WEE2: variants seen among roughly 807,000 people sequenced by gnomAD.
The protein encoded by WEE2 is WEE2 oocyte meiosis inhibiting kinase, also known as wee1-like protein kinase 2.
Under a neutral mutation model 60.1 loss-of-function variants are expected in WEE2, and 50 were observed. The observed-to-expected ratio is 0.83, with a 90% CI of 0.66 to 1.05. WEE2 has a LOEUF of 1.05. Ranked by LOEUF, WEE2 falls within the 50% of genes least tolerant of loss-of-function variation. The pLI, the probability that WEE2 is intolerant of heterozygous loss-of-function variation, is 0.00. For missense variants in WEE2, 631 were observed against 684.3 expected (o/e 0.92, Z 0.87); for synonymous variants, 240 against 241.0 (o/e 1.00, Z 0.04).
chr7:141,710,184 C>T (rs1485258624), intron 1 of WEE2, among the ~76,000 whole-genome samples: 1 of 152,192 alleles, frequency 6.6e-6, no homozygotes, highest in Admixed American at 6.5e-5. Flanking sequence ...GCATATAATA[C>T]AGTCTCTGCC....
chr7:141,725,055 A>T lies in WEE2; in HGVS notation c.1251A>T (p.Ile417=), dbSNP rs370189995. 6.1e-5 allele frequency: 99 copies of T among 1,613,914 alleles called. No homozygotes were observed. Among genetic ancestry groups the T allele is most frequent in the Non-Finnish European group, 7.6e-5 (90 of 1,179,976 alleles). ...ACCGGCACCTTCCCAAAGCAGACAT[A>T]TTTGCCTTGGGATTAACAATTGCAG... ...EDYRHLPKAD[I]FALGLTIAVA... Residue 417 remains isoleucine (I), a synonymous_variant, in exon 9 of 12, where the codon ATA becomes ATT. Transcript: ENST00000397541.
chr7:141,724,083 A>G, intron 7 of WEE2, 35 bp downstream of exon 7: 1 of 1,576,912 alleles, frequency 6.3e-7, no homozygotes. Context: ...AGTTACCATT[A>G]TCCTATAAAA....
At chr7:141,725,853 G>A (rs980781803) in intron 9 of WEE2, among the ~76,000 whole-genome samples, 1 of 152,200 alleles carries the variant, frequency 6.6e-6, no homozygotes, top group Non-Finnish European at 1.5e-5. Flanking sequence ...TAGTCACAAT[G>A]AATGACTGGC....
chr7:141,727,447 G>C lies in WEE2; in HGVS notation c.1535+1G>C. The C allele has an allele frequency of 6.2e-7, 1 of 1,613,948 alleles. No individual in the cohort carries two copies. The highest frequency in any genetic ancestry group is 8.5e-7 in the Non-Finnish European group (1 of 1,179,914). On this transcript the variant is annotated splice_donor_variant, in intron 10 of 11. Transcript: ENST00000397541. LOFTEE classifies it high-confidence loss of function. The stretch of plus-strand genomic sequence containing the variant: ...AGTTCAAGACTGCCACACTGGAAAG[G>C]TATATTTTTGGATGATGGGGGGTCA...
At chr7:141,714,594 C>G (rs2117105965) in intron 2 of WEE2, among the ~76,000 whole-genome samples, 189 bp downstream of exon 2, 1 of 152,308 alleles carries the variant, frequency 6.6e-6, no homozygotes, top group East Asian at 1.9e-4. Flanking sequence ...CAACATCTTT[C>G]CATTCTGATA....
At chr7:141,724,145 C>T in intron 7 of WEE2, 45 bp from the exon 8 acceptor site, 2 of 1,584,528 alleles carry the variant, frequency 1.3e-6, no homozygotes, top group Non-Finnish European at 1.7e-6. Context: ...GCTTTTAAAG[C>T]TCTTTTGTTC....
chr7:141,716,147 T>G, intron 2 of WEE2, 75 bp from the exon 3 acceptor site: 1 of 1,275,384 alleles, frequency 7.8e-7, no homozygotes, highest in Admixed American at 1.9e-5. Context: ...TACTCTTACA[T>G]CCCTAGAACC....
In WEE2 at chr7:141,709,073, G is replaced by GC; in HGVS notation, c.318dup (p.Ser107GlnfsTer2). On this transcript the variant is annotated frameshift_variant, in exon 1 of 12. Coordinates refer to ENST00000397541, the MANE Select transcript of WEE2 (RefSeq NM_001105558.1). LOFTEE classifies it high-confidence loss of function. ...AACCAGACAGCAGGAGCAAGCTGCT[G>GC]CCCAGTGACAGCCCCTCTACTCCCA... The GC allele has an allele frequency of 6.2e-7, 1 of 1,613,918 alleles. No homozygotes were observed. The highest frequency in any genetic ancestry group is 8.5e-7 in the Non-Finnish European group (1 of 1,179,822).
chr7:141,709,656 ACTCCT>A (rs1210445885), intron 1 of WEE2, among the ~76,000 whole-genome samples: 1 of 151,264 alleles, frequency 6.6e-6, no homozygotes, highest in Non-Finnish European at 1.5e-5. Context: ...CCCAGAAACA[ACTCCT>A]CTCCCCTCCT....
rs371165188 is a variant in WEE2, at chr7:141,716,704, C to T, written c.585+437C>T. On this transcript the variant is annotated intron_variant, in intron 3 of 11. Transcript: ENST00000397541. ...AGAGTAATTTTAAAATTACATATTT[C>T]TGCTACTATTTTAATCTGGAGAAAA... 1.0e-3 allele frequency among the ~76,000 whole-genome samples: 156 copies of T among 152,064 alleles called. 1 individual carries two copies. Among genetic ancestry groups the T allele is most frequent in the Middle Eastern group, 6.8e-3 (2 of 294 alleles).
intron 11 of WEE2, 33 bp downstream of exon 11, chr7:141,729,706 C>CA (rs768644676): frequency 6.3e-7 from 1 of 1,593,748 alleles, no homozygotes; most frequent in African/African-American, 1.3e-5. Context: ...ACTCATTTTG[C>CA]AGCCGGGCGT....
At chr7:141,723,864 C>A in intron 6 of WEE2, 77 bp from the exon 7 acceptor site, 1 of 994,568 alleles carries the variant, frequency 1.0e-6, no homozygotes, top group Non-Finnish European at 1.5e-6. Context: ...GCTGAATTGT[C>A]AAATACAGAA....
intron 3 of WEE2, among the ~76,000 whole-genome samples, chr7:141,717,912 G>A (rs568331721): frequency 6.6e-6 from 1 of 152,234 alleles, no homozygotes; most frequent in East Asian, 1.9e-4. Context: ...TGCGCAGTTG[G>A]TAGAAGGTCT....
intron 5 of WEE2, among the ~76,000 whole-genome samples, chr7:141,722,342 T>A (rs939958527): frequency 1.3e-5 from 2 of 151,918 alleles, no homozygotes; most frequent in Non-Finnish European, 2.9e-5. Flanking sequence ...GAGGCGGAGG[T>A]TGCAGCGAGC....
chr7:141,714,355 TA>T lies in WEE2; in HGVS notation c.495del (p.Lys165AsnfsTer12). On this transcript the variant is annotated frameshift_variant, in exon 2 of 12. Coordinates refer to ENST00000397541, the MANE Select transcript of WEE2 (RefSeq NM_001105558.1). LOFTEE classifies it high-confidence loss of function. Reference sequence around the variant, plus strand: ...TTAATCCCTTCACTCCAGAGTCCTATAAAAAATTATTTCTTCAATCTGGTGG... The same window carrying T: ...TTAATCCCTTCACTCCAGAGTCCTATAAAAATTATTTCTTCAATCTGGTGG... ...NINPFTPESY[K>X]KLFLQSGGKR... 8 of 1,612,692 alleles carry T rather than the reference TA, an allele frequency of 5.0e-6. No individual in the cohort carries two copies. Among genetic ancestry groups the T allele is most frequent in the Non-Finnish European group, 6.8e-6 (8 of 1,179,524 alleles).
chr7:141,709,187 A>C, intron 1 of WEE2, 87 bp downstream of exon 1: 1 of 1,045,152 alleles, frequency 9.6e-7, no homozygotes, highest in South Asian at 1.5e-5. Context: ...TCATGTGTGT[A>C]TGACAGTCAC....
chr7:141,721,018 A>AAGATG lies in WEE2; in HGVS notation c.844_848dup (p.Asp283GlufsTer5). ...GTACGTTACTATTCCTCATGGGCAG[A>AAGATG]AGATGACCACATGATCATTCAGAAT... On this transcript the variant is annotated frameshift_variant, in exon 5 of 12. Transcript: ENST00000397541. LOFTEE classifies it high-confidence loss of function. 1.2e-6 allele frequency: 2 copies of AAGATG among 1,614,210 alleles called. No individual in the cohort carries two copies. Among genetic ancestry groups the AAGATG allele is most frequent in the Non-Finnish European group, 1.7e-6 (2 of 1,180,022 alleles).
chr7:141,712,261 C>G (rs1563012055), intron 1 of WEE2, among the ~76,000 whole-genome samples: 3 of 152,124 alleles, frequency 2.0e-5, no homozygotes. Flanking sequence ...GTTGACTGGG[C>G]CTTTAAAATC....
At chr7:141,714,157 G>A in intron 1 of WEE2, 52 bp from the exon 2 acceptor site, 2 of 1,435,324 alleles carry the variant, frequency 1.4e-6, no homozygotes, top group Non-Finnish European at 1.9e-6. Context: ...TAACTGATAA[G>A]GAATGTCTTT....
Sources: allele counts gnomAD v4.1 joint callset (sites outside exome capture counted in the v4.1 genomes callset), GRCh38; gene constraint gnomAD v4.1.1; transcripts MANE v1.5; gene names NCBI Gene and HGNC (gene_info 2026-07-23, HGNC 2026-07-21).